CCDC85C: variants seen among roughly 807,000 people sequenced by gnomAD.
The protein encoded by CCDC85C is coiled-coil domain containing 85C.
In CCDC85C, 18 loss-of-function variants were observed where a neutral mutation model predicts 38.3. That is an observed-to-expected ratio of 0.47 (90% CI 0.33 to 0.70). The LOEUF is 0.70. Among genes scored for constraint, CCDC85C ranks in the 30% least tolerant of loss-of-function variants. The pLI, the probability that CCDC85C is intolerant of heterozygous loss-of-function variation, is 0.03. For synonymous variants in CCDC85C, 264 were observed against 293.8 expected, an observed-to-expected ratio of 0.90 and a Z score of 1.04; for missense variants, 566 against 621.2, an observed-to-expected ratio of 0.91 and a Z score of 0.94.
rs913601303 is a variant in CCDC85C, at chr14:99,504,028, G to A, written c.*11218C>T. On this transcript the variant is annotated 3_prime_UTR_variant, in exon 6 of 6. Transcript: ENST00000380243. The stretch of plus-strand genomic sequence containing the variant: ...ATGCGGGGGGGCAGTAGGGGGTGGT[G>A]TGCTGCCCGGACAGCACCAGCCCGG... 8.2e-6 allele frequency: 3 copies of A among 367,730 alleles called. No individual in the cohort carries two copies. The highest frequency in any genetic ancestry group is 7.6e-5 in the Admixed American group (2 of 26,170). 22.8% of individuals were successfully genotyped at this position (367,730 alleles called of 1,614,324 possible). A position where few individuals can be genotyped will look rare whatever the true frequency, so the allele number is the denominator to read the frequency against.
chr14:99,517,151 C>T lies in CCDC85C; in HGVS notation c.1008G>A (p.Ser336=), dbSNP rs750404147. The change falls in exon 4 of 6, where the codon TCG becomes TCA. Residue 336 remains serine (S), a synonymous_variant. Coordinates refer to ENST00000380243, the MANE Select transcript of CCDC85C (RefSeq NM_001144995.2). ...GPACPAPELP[S]PPSAGYSPAG... ...CAGGGCTGTAGCCAGCAGAGGGGGG[C>T]GAGGGCAGCTCAGGTGCGGGGCAGG... The T allele has an allele frequency of 2.9e-5, 45 of 1,549,542 alleles. No individual in the cohort carries two copies. Among genetic ancestry groups the T allele is most frequent in the African/African-American group, 6.8e-5 (5 of 73,120 alleles).
At chr14:99,574,155 G>T (rs997112273) in intron 1 of CCDC85C, among the ~76,000 whole-genome samples, 8 of 152,134 alleles carry the variant, frequency 5.3e-5, no homozygotes, top group Non-Finnish European at 1.2e-4. Context: ...CCAGCCTCCA[G>T]AACAAGACCA....
intron 1 of CCDC85C, among the ~76,000 whole-genome samples, chr14:99,546,189 C>T (rs1314555130): frequency 1.3e-5 from 2 of 152,048 alleles, no homozygotes; most frequent in Admixed American, 6.5e-5. Flanking sequence ...TAGATGTCAA[C>T]CAAATCTCTA....
In CCDC85C at chr14:99,601,806, A is replaced by G. The variant is rs566751150; in HGVS notation, c.793+1361T>C. Among the ~76,000 whole-genome samples the G allele has an allele frequency of 3.2e-3, 488 of 152,288 alleles. 6 individuals carry two copies. The highest frequency in any genetic ancestry group is 0.014 in the Middle Eastern group (4 of 294). On this transcript the variant is annotated intron_variant, in intron 1 of 5. Coordinates refer to ENST00000380243, the MANE Select transcript of CCDC85C (RefSeq NM_001144995.2). ...AGCCATAGATTGCTAATCAGTAACAAAATATCCCTCTAAACCCAGTCCTGC... is the reference window on the plus strand; with the variant it reads ...AGCCATAGATTGCTAATCAGTAACAGAATATCCCTCTAAACCCAGTCCTGC...
Position 99,576,528 on chromosome 14 carries a change from A to T in CCDC85C, c.793+26639T>A, listed in dbSNP as rs1595096553. 6.6e-6 allele frequency: 1 copy of T among 152,240 alleles called. No individual in the cohort carries two copies. The highest frequency in any genetic ancestry group is 2.1e-4 in the South Asian group (1 of 4,824). The allele number at this position is 152,240 out of a possible 1,614,324, so 9.4% of individuals were successfully genotyped here. On this transcript the variant is annotated intron_variant, in intron 1 of 5. Coordinates refer to ENST00000380243, the MANE Select transcript of CCDC85C (RefSeq NM_001144995.2). The surrounding 1 kb of genome is among the most constrained non-coding windows in gnomAD (Gnocchi z 4.8). ...ACTTCTCATGAACCACACCAGTGGG[A>T]CCTGCCTCGCTGGTCCAGCAGCTTA...
At chr14:99,554,217 A>G (rs911153033) in intron 1 of CCDC85C, among the ~76,000 whole-genome samples, 1 of 151,908 alleles carries the variant, frequency 6.6e-6, no homozygotes, top group African/African-American at 2.4e-5. Flanking sequence ...CCAGCACACG[A>G]GCTCCCCCAT....
At chr14:99,582,929 A>G (rs2054989065) in intron 1 of CCDC85C, 1 of 152,250 alleles carries the variant, frequency 6.6e-6, no homozygotes, top group Admixed American at 6.5e-5. Flanking sequence ...AGACCAGTTA[A>G]GAAGTTAATA....
At position 99,507,071 on chromosome 14, in the gene CCDC85C, T is replaced by C; in HGVS notation, c.*8175A>G. ...GTGGTTTTCTAATCTGCTTTTTCTT[T>C]GTAGAACCACCACCACCTAAAATCC... On this transcript the variant is annotated 3_prime_UTR_variant, in exon 6 of 6. Coordinates refer to ENST00000380243, the MANE Select transcript of CCDC85C (RefSeq NM_001144995.2). 1.3e-6 allele frequency: 2 copies of C among 1,593,548 alleles called. No individual in the cohort carries two copies. Among genetic ancestry groups the C allele is most frequent in the Non-Finnish European group, 1.7e-6 (2 of 1,161,296 alleles).
Position 99,548,545 on chromosome 14 carries a change from C to T in CCDC85C, c.794-12457G>A, listed in dbSNP as rs1239344183. ...GCGCCCAACGAGACAGGCACAAGAC[C>T]GTGTCTGCCAACACCAGCTGTACTA... is the stretch of plus-strand genomic sequence containing the variant. On this transcript the variant is annotated intron_variant, in intron 1 of 5. Transcript: ENST00000380243. This position sits in a 1 kb window ranked among gnomAD's most constrained non-coding sequence, Gnocchi z 4.9. 6.6e-6 allele frequency among the ~76,000 whole-genome samples: 1 copy of T among 151,942 alleles called. No homozygotes were observed. Among genetic ancestry groups the T allele is most frequent in the Non-Finnish European group, 1.5e-5 (1 of 67,994 alleles).
chr14:99,562,032 A>C (rs1898126710), intron 1 of CCDC85C, among the ~76,000 whole-genome samples: 1 of 152,070 alleles, frequency 6.6e-6, no homozygotes, highest in Non-Finnish European at 1.5e-5. Flanking sequence ...TGCTTCCTTC[A>C]GCTCCACCTA....
chr14:99,552,243 T>C (rs1018610240), intron 1 of CCDC85C, among the ~76,000 whole-genome samples: 2 of 152,186 alleles, frequency 1.3e-5, no homozygotes, highest in African/African-American at 4.8e-5. Flanking sequence ...AGGCAGGACC[T>C]GGGCCACACT....
intron 1 of CCDC85C, among the ~76,000 whole-genome samples, chr14:99,568,363 G>A (rs1353476081): frequency 6.7e-6 from 1 of 148,964 alleles, no homozygotes; most frequent in African/African-American, 2.5e-5. Context: ...TTTCTAAAGG[G>A]CTGGAGTGGT....
intron 2 of CCDC85C, among the ~76,000 whole-genome samples, chr14:99,529,986 C>G (rs567189146): frequency 2.6e-5 from 4 of 152,340 alleles, no homozygotes; most frequent in African/African-American, 9.6e-5. Context: ...GAGGGGGAAA[C>G]TGAGGTGCAG....
intron 1 of CCDC85C, among the ~76,000 whole-genome samples, chr14:99,594,888 C>T (rs149046221): frequency 1.3e-5 from 2 of 152,336 alleles, no homozygotes; most frequent in African/African-American, 4.8e-5. Context: ...CAAGGCCACT[C>T]AGGCCCAGCA....
At chr14:99,515,518 ATCG>A (rs1897208821) in intron 5 of CCDC85C, among the ~76,000 whole-genome samples, 183 bp from the exon 6 acceptor site, 5 of 152,138 alleles carry the variant, frequency 3.3e-5, no homozygotes, top group African/African-American at 4.8e-5. Flanking sequence ...CGCGCTAACT[ATCG>A]GGCCTGAGCA....
intron 1 of CCDC85C, among the ~76,000 whole-genome samples, chr14:99,567,989 C>T (rs2139957889): frequency 6.6e-6 from 1 of 152,244 alleles, no homozygotes; most frequent in Admixed American, 6.5e-5. Context: ...AGACTGCCCC[C>T]CACTCCCACC....
chr14:99,500,697 T>G lies in CCDC85C; in HGVS notation c.*14549A>C. 1.0e-6 allele frequency: 1 copy of G among 997,692 alleles called. No homozygotes were observed. The highest frequency in any genetic ancestry group is 2.1e-5 in the Admixed American group (1 of 47,910). 61.8% of individuals were successfully genotyped at this position (997,692 alleles called of 1,614,324 possible). ...AGAGAGAATAAATAGACAGGAAAGC[T>G]CACTTTTGTAATGCTGCTTGAGACC... On this transcript the variant is annotated 3_prime_UTR_variant, in exon 6 of 6. Coordinates refer to ENST00000380243, the MANE Select transcript of CCDC85C (RefSeq NM_001144995.2).
At chr14:99,546,108 G>GC (rs1175210700) in intron 1 of CCDC85C, among the ~76,000 whole-genome samples, 2 of 152,008 alleles carry the variant, frequency 1.3e-5, no homozygotes, top group East Asian at 3.9e-4. Flanking sequence ...CAGGTGCCAA[G>GC]CCCCCCGGTA....
At position 99,599,341 on chromosome 14, in the gene CCDC85C, A is replaced by G. The variant is rs1050172084; in HGVS notation, c.793+3826T>C. Among the ~76,000 whole-genome samples the G allele has an allele frequency of 7.2e-5, 11 of 152,082 alleles. No individual in the cohort carries two copies. The East Asian group carries it at 2.1e-3, about 29-fold the overall frequency. On this transcript the variant is annotated intron_variant, in intron 1 of 5. Transcript: ENST00000380243. Reference sequence around the variant, plus strand: ...AAAGGGGAGTGGACCGTGGAGGAGCAGGTTATCAGGGGAGGGAAGGAAATG... The same window carrying G: ...AAAGGGGAGTGGACCGTGGAGGAGCGGGTTATCAGGGGAGGGAAGGAAATG...
Sources: allele counts gnomAD v4.1 joint callset (sites outside exome capture counted in the v4.1 genomes callset), GRCh38; gene constraint gnomAD v4.1.1; non-coding constraint Gnocchi (gnomAD v3.1); transcripts MANE v1.5; gene names NCBI Gene and HGNC (gene_info 2026-07-23, HGNC 2026-07-21).